Variants in SORCS2 observed in about 807,000 individuals in gnomAD.
The protein encoded by SORCS2 is sortilin related VPS10 domain containing receptor 2, also known as VPS10 domain-containing receptor SorCS2.
A neutral mutation model predicts 141.6 loss-of-function variants in SORCS2; 100 were observed. The observed-to-expected ratio is 0.71, with a 90% confidence interval of 0.60 to 0.83. The LOEUF (loss-of-function observed/expected upper bound fraction) is 0.83, where lower values mean the gene tolerates loss of function less well. SORCS2 is among the 40% of genes least tolerant of loss of function. The pLI is 0.00. For synonymous variants in SORCS2, 789 were observed against 676.9 expected (o/e 1.17, Z -2.57); for missense variants, 1,646 against 1,560.2 (o/e 1.05, Z -0.93).
At chr4:7,427,950 G>A (rs1033080706) in intron 2 of SORCS2, among the ~76,000 whole-genome samples, 11 of 152,034 alleles carry the variant, frequency 7.2e-5, no homozygotes, top group African/African-American at 1.9e-4. Flanking sequence ...CCCTGAGGGC[G>A]GGGGGATGGA....
At chr4:7,724,881 T>TGGTGATGGC in intron 19 of SORCS2, among the ~76,000 whole-genome samples, 1 of 73,658 alleles carries the variant, frequency 1.4e-5, no homozygotes, top group African/African-American at 6.4e-5. Context: ...GTGGTGATGG[T>TGGTGATGGC]GGTGGTGTTG....
intron 1 of SORCS2, among the ~76,000 whole-genome samples, chr4:7,226,694 T>A (rs1024541989): frequency 2.0e-5 from 3 of 152,128 alleles, no homozygotes; most frequent in Admixed American, 1.3e-4. Context: ...GAGGTTAAGA[T>A]GCAGTGGCCC....
intron 1 of SORCS2, among the ~76,000 whole-genome samples, chr4:7,296,815 C>T (rs1717096184): frequency 6.6e-6 from 1 of 152,306 alleles, no homozygotes; most frequent in Non-Finnish European, 1.5e-5. Context: ...CACATACACA[C>T]ACTGCGTGGC....
intron 1 of SORCS2, among the ~76,000 whole-genome samples, chr4:7,337,959 C>G (rs1720093558): frequency 6.6e-6 from 1 of 152,240 alleles, no homozygotes; most frequent in African/African-American, 2.4e-5. Flanking sequence ...CTGCTGCCCT[C>G]TCTGTGGTCC....
chr4:7,274,203 C>T (rs555387359), intron 1 of SORCS2, among the ~76,000 whole-genome samples: 5 of 152,348 alleles, frequency 3.3e-5, no homozygotes, highest in Non-Finnish European at 7.3e-5. Context: ...GAACCCCTTT[C>T]CCCATAGGCA....
chr4:7,373,478 A>ATTT (rs71173496), intron 1 of SORCS2, among the ~76,000 whole-genome samples: 503 of 36,774 alleles, frequency 0.014, 65 homozygotes, highest in Admixed American at 0.024. Context: ...ATATATATAT[A>ATTT]TTTTTTTTTT....
intron 1 of SORCS2, among the ~76,000 whole-genome samples, chr4:7,217,783 G>T (rs1256774158): frequency 6.6e-6 from 1 of 152,212 alleles, no homozygotes; most frequent in Non-Finnish European, 1.5e-5. Context: ...ATGAAGCCAC[G>T]TGGGAAGCCT....
chr4:7,472,728 G>A lies in SORCS2; in HGVS notation c.549-58802G>A, dbSNP rs114017989. On this transcript the variant is annotated intron_variant, in intron 2 of 26. Transcript: ENST00000507866. ...CCCGCTGGCCCCATCCCATTAAGAC[G>A]AGGCTCCGCTGAGACTGGTCCCCGC... Among the ~76,000 whole-genome samples, 3 of 152,282 alleles carry A rather than the reference G, an allele frequency of 2.0e-5. No individual in the cohort carries two copies. The South Asian group carries it at 6.2e-4, about 32-fold the overall frequency.
At chr4:7,325,935 C>A (rs1275966677) in intron 1 of SORCS2, among the ~76,000 whole-genome samples, 1 of 151,978 alleles carries the variant, frequency 6.6e-6, no homozygotes, top group Non-Finnish European at 1.5e-5. Flanking sequence ...ACAGGGGGAG[C>A]CAAGAGAGTG....
At chr4:7,553,302 T>G (rs1713857334) in intron 3 of SORCS2, among the ~76,000 whole-genome samples, 1 of 151,804 alleles carries the variant, frequency 6.6e-6, no homozygotes, top group Non-Finnish European at 1.5e-5. Context: ...TTTCTTTAAT[T>G]ATGAGAGGGG....
chr4:7,516,420 AC>A (rs1490852047), intron 2 of SORCS2, among the ~76,000 whole-genome samples: 1 of 151,850 alleles, frequency 6.6e-6, no homozygotes, highest in African/African-American at 2.4e-5. Flanking sequence ...AGGTGCTGGG[AC>A]CCTGCAGGTT....
intron 1 of SORCS2, among the ~76,000 whole-genome samples, chr4:7,307,860 GTGTA>G (rs981740231): frequency 1.3e-5 from 2 of 151,820 alleles, no homozygotes; most frequent in African/African-American, 4.8e-5. Flanking sequence ...TGCTTGGTGT[GTGTA>G]TGAGTGAGTG....
intron 2 of SORCS2, among the ~76,000 whole-genome samples, chr4:7,428,928 CTG>C (rs1726639967): frequency 1.3e-5 from 2 of 152,124 alleles, no homozygotes; most frequent in Non-Finnish European, 2.9e-5. Flanking sequence ...CTTCACCAGT[CTG>C]AGTGAGCCGA....
intron 1 of SORCS2, among the ~76,000 whole-genome samples, chr4:7,289,116 G>C (rs146839031): frequency 1.3e-5 from 2 of 152,158 alleles, no homozygotes; most frequent in Non-Finnish European, 2.9e-5. Flanking sequence ...CCAGGTGTAG[G>C]TGACATATGG....
At chr4:7,301,652 C>T (rs1283287773) in intron 1 of SORCS2, among the ~76,000 whole-genome samples, 1 of 152,234 alleles carries the variant, frequency 6.6e-6, no homozygotes, top group Admixed American at 6.5e-5. Flanking sequence ...CCTCTGTGTT[C>T]CTCAGCAACC....
chr4:7,314,541 G>T (rs1338462500), intron 1 of SORCS2, among the ~76,000 whole-genome samples: 2 of 151,918 alleles, frequency 1.3e-5, no homozygotes, highest in Non-Finnish European at 2.9e-5. Flanking sequence ...GGGTTTCACC[G>T]TGTTAGCCAG....
intron 1 of SORCS2, among the ~76,000 whole-genome samples, chr4:7,363,380 C>T (rs111163318): frequency 0.037 from 5,648 of 152,190 alleles, 142 homozygotes; most frequent in Middle Eastern, 0.095. Context: ...CTATCACCAC[C>T]GTCATTGCTA....
In SORCS2 at chr4:7,592,979, C is replaced by A. The variant is rs79787882; in HGVS notation, c.649-45349C>A. Among the ~76,000 whole-genome samples the A allele has an allele frequency of 6.7e-3, 1,018 of 152,286 alleles. 31 individuals carry two copies. The East Asian group carries it at 0.091, about 14-fold the overall frequency. Reference sequence around the variant, plus strand: ...TACTGCTGTGTGTGTGACAACGTATCCCAAACCCTACTGGCTTGAAACACC... The same window carrying A: ...TACTGCTGTGTGTGTGACAACGTATACCAAACCCTACTGGCTTGAAACACC... On this transcript the variant is annotated intron_variant, in intron 3 of 26. Transcript: ENST00000507866.
At chr4:7,557,670 T>C (rs192051815) in intron 3 of SORCS2, among the ~76,000 whole-genome samples, 70 of 152,302 alleles carry the variant, frequency 4.6e-4, no homozygotes, top group African/African-American at 1.4e-3. Context: ...ATCATTCCTA[T>C]GTATGAGTCA....
Sources: gnomAD v4.1 joint callset for allele counts (sites outside exome capture counted in the v4.1 genomes callset) on GRCh38, gnomAD v4.1.1 for gene constraint, MANE v1.5 for transcripts, NCBI Gene and HGNC (gene_info 2026-07-23, HGNC 2026-07-21) for gene names.